Variants in ZNF418 observed in about 807,000 individuals in gnomAD.
ZNF418 encodes zinc finger protein 418.
A neutral mutation model predicts 32.0 loss-of-function variants in ZNF418; 32 were observed. The observed-to-expected ratio is 1.00, with a 90% confidence interval of 0.75 to 1.34. ZNF418 has a LOEUF of 1.34. ZNF418 is among the 40% of genes most tolerant of loss of function. The probability of loss-of-function intolerance (pLI) is 0.00; values close to 1 mark genes in which losing one functional copy is unlikely to be tolerated. For synonymous variants in ZNF418, 276 were observed against 270.7 expected, an observed-to-expected ratio of 1.02 and a Z score of -0.19; for missense variants, 804 against 812.5, an observed-to-expected ratio of 0.99 and a Z score of 0.13.
In ZNF418 at chr19:57,927,870, T is replaced by C; in HGVS notation, c.311A>G (p.His104Arg). 1.2e-6 allele frequency: 2 copies of C among 1,614,144 alleles called. No homozygotes were observed. Among genetic ancestry groups the C allele is most frequent in the South Asian group, 1.1e-5 (1 of 91,088 alleles). The change falls in exon 4 of 6, where the codon CAT becomes CGT. Residue 104 changes from histidine to arginine, a missense_variant. By Grantham distance (29) the His-to-Arg change is conservative. Coordinates refer to ENST00000396147, the MANE Select transcript of ZNF418 (RefSeq NM_133460.3). Reference protein sequence around the residue: ...ILHLADHQGTHHKQKLHRCEA... With the variant: ...ILHLADHQGTRHKQKLHRCEA... ...ACACCTGTGCAGTTTCTGCTTGTGA[T>C]GTGTCCCCTGATGATCTGCCAAGTG...
chr19:57,933,402 C>T (rs1358622372), intron 2 of ZNF418, among the ~76,000 whole-genome samples: 1 of 151,358 alleles, frequency 6.6e-6, no homozygotes, highest in Non-Finnish European at 1.5e-5. Context: ...CACGGTGAAA[C>T]CCCATCTCTA....
rs2072224819 is a variant in ZNF418 at position 57,926,397 on chromosome 19, TCC to T, written c.1782_1783del (p.Glu595MetfsTer13). 5 of 1,613,204 alleles carry T rather than the reference TCC, an allele frequency of 3.1e-6. No individual in the cohort carries two copies. The highest frequency in any genetic ancestry group is 3.4e-6 in the Non-Finnish European group (4 of 1,179,296). ...CCTTCGAGTAAATGTTTTTCCACAT[TCC>T]CTGCATTCATAAGGCCTTTCTCCAG... On this transcript the variant is annotated frameshift_variant, in exon 4 of 6. Transcript: ENST00000396147. LOFTEE classifies it low-confidence loss of function (END_TRUNC).
chr19:57,930,296 A>C, intron 3 of ZNF418, 132 bp downstream of exon 3: 2 of 1,415,798 alleles, frequency 1.4e-6, no homozygotes, highest in Non-Finnish European at 2.0e-6. Flanking sequence ...CCAACCACAA[A>C]ACCTACCCAG....
At chr19:57,933,956 C>T in intron 1 of ZNF418, 54 bp from the exon 2 acceptor site, 1 of 1,597,456 alleles carries the variant, frequency 6.3e-7, no homozygotes, top group East Asian at 2.2e-5. Flanking sequence ...CTCTTGCCTC[C>T]CCACCGAATT....
chr19:57,927,984 A>G lies in ZNF418; in HGVS notation c.197T>C (p.Val66Ala), dbSNP rs748898202. The G allele has an allele frequency of 6.2e-7, 1 of 1,601,010 alleles. No homozygotes were observed. Among genetic ancestry groups the G allele is most frequent in the Non-Finnish European group, 8.5e-7 (1 of 1,171,982 alleles). ...TGCCCCAGGAGTGCTGACCTGAGAC[A>G]CTCTTTGTATAGAAATGCTCTTCTT... ...PSKKSISIQR[V>A]SQVSTPGAGV... The change falls in exon 4 of 6, where the codon GTG becomes GCG. Residue 66 changes from valine to alanine, a missense_variant. Transcript: ENST00000396147.
chr19:57,924,919 C>T (rs2072151079), intron 4 of ZNF418, among the ~76,000 whole-genome samples: 1 of 152,124 alleles, frequency 6.6e-6, no homozygotes. Context: ...GAAAACTATG[C>T]CACAAGTGAA....
At chr19:57,931,696 C>G (rs1186651734) in intron 2 of ZNF418, among the ~76,000 whole-genome samples, 2 of 152,204 alleles carry the variant, frequency 1.3e-5, no homozygotes, top group African/African-American at 4.8e-5. Flanking sequence ...CCCTTAGCCC[C>G]AGGCCTCAGC....
chr19:57,934,868 G>T, intron 1 of ZNF418: 1 of 446,560 alleles, frequency 2.2e-6, no homozygotes, highest in Non-Finnish European at 3.7e-6. Context: ...ACAGCCCCCA[G>T]CCTGCTCTTC....
intron 2 of ZNF418, chr19:57,932,506 C>T: frequency 6.5e-7 from 1 of 1,535,356 alleles, no homozygotes; most frequent in Non-Finnish European, 8.7e-7. Flanking sequence ...GGCTCCACAT[C>T]CCCACAGAAC....
At chr19:57,935,028 G>A in intron 1 of ZNF418, 133 bp downstream of exon 1, 1 of 1,405,102 alleles carries the variant, frequency 7.1e-7, no homozygotes, top group South Asian at 1.3e-5. Flanking sequence ...CAGAAACAAG[G>A]ACCTCTCCCG....
intron 3 of ZNF418, among the ~76,000 whole-genome samples, chr19:57,930,186 C>A (rs1207639790): frequency 6.6e-6 from 1 of 152,162 alleles, no homozygotes; most frequent in Admixed American, 6.5e-5. Flanking sequence ...ATTAGATTGA[C>A]TACGAGACAC....
chr19:57,935,196 C>T lies in ZNF418; in HGVS notation c.-116G>A, dbSNP rs1197008032. ...AGCCTCAGCGCGGCCGCCGCCATCCCGAGTACGCGGGGAAAGCACTGCCGG... is the reference window on the plus strand; with the variant it reads ...AGCCTCAGCGCGGCCGCCGCCATCCTGAGTACGCGGGGAAAGCACTGCCGG... On this transcript the variant is annotated 5_prime_UTR_variant, in exon 1 of 6. Transcript: ENST00000396147. 9 of 1,298,794 alleles carry T rather than the reference C, an allele frequency of 6.9e-6. No homozygotes were observed. The South Asian group carries it at 1.1e-4, about 16-fold the overall frequency. 80.5% of individuals were successfully genotyped at this position (1,298,794 alleles called of 1,614,324 possible).
intron 4 of ZNF418, among the ~76,000 whole-genome samples, chr19:57,924,506 G>A (rs570872599): frequency 7.3e-4 from 111 of 152,330 alleles, no homozygotes; most frequent in African/African-American, 2.6e-3. Context: ...TTCTGTACCT[G>A]ACAGTCCACC....
In ZNF418 at chr19:57,925,917, G is replaced by A. The variant is rs1244939925; in HGVS notation, c.*233C>T. 6 of 542,946 alleles carry A rather than the reference G, an allele frequency of 1.1e-5. No homozygotes were observed. Among genetic ancestry groups the A allele is most frequent in the Non-Finnish European group, 2.0e-5 (6 of 307,056 alleles). The allele number at this position is 542,946 out of a possible 1,614,324, so 33.6% of individuals were successfully genotyped here. On this transcript the variant is annotated 3_prime_UTR_variant, in exon 4 of 6. Coordinates refer to ENST00000396147, the MANE Select transcript of ZNF418 (RefSeq NM_133460.3). ...ATAATATTTCCTGTACGTGTACAGTGTTTTCCTTATGAGAACAATCTGTTA... is the reference window on the plus strand; with the variant it reads ...ATAATATTTCCTGTACGTGTACAGTATTTTCCTTATGAGAACAATCTGTTA...
At position 57,927,060 on chromosome 19, in the gene ZNF418, T is replaced by G. The variant is rs2072266476; in HGVS notation, c.1121A>C (p.Glu374Ala). 2 of 1,614,094 alleles carry G rather than the reference T, an allele frequency of 1.2e-6. No individual in the cohort carries two copies. Among genetic ancestry groups the G allele is most frequent in the Non-Finnish European group, 1.7e-6 (2 of 1,179,998 alleles). The change falls in exon 4 of 6, where the codon GAA (glutamate) becomes GCA (alanine). Residue 374 changes from glutamate to alanine, a missense_variant. By Grantham distance (107) the Glu-to-Ala change is moderately radical (BLOSUM62 -1). This residue lies in a region of ZNF418 where 475 missense variants were observed against 458.6 expected (regional missense o/e 1.04). Coordinates refer to ENST00000396147, the MANE Select transcript of ZNF418 (RefSeq NM_133460.3). Reference sequence around the variant, plus strand: ...CTTTTGACTAAAACATTTTCCACATTCTTCACACTCATAAGGTCTTTCACT... The same window carrying G: ...CTTTTGACTAAAACATTTTCCACATGCTTCACACTCATAAGGTCTTTCACT... ...HTSERPYECE[E>A]CGKCFSQKGT... is the part of the protein sequence containing the mutation.
Position 57,926,875 on chromosome 19 carries a change from T to TAA in ZNF418, c.1304_1305dup (p.Ser436LeufsTer252). 6.2e-7 allele frequency: 1 copy of TAA among 1,614,032 alleles called. No homozygotes were observed. Among genetic ancestry groups the TAA allele is most frequent in the Non-Finnish European group, 8.5e-7 (1 of 1,179,994 alleles). On this transcript the variant is annotated frameshift_variant, in exon 4 of 6. Transcript: ENST00000396147. LOFTEE classifies it low-confidence loss of function (END_TRUNC). ...TGCTGAATGAGGTTGCCCTTTCGAC[T>TAA]AAAAGATTTCCCACATTCTCCACAC...
chr19:57,934,187 T>A (rs1358553119), intron 1 of ZNF418: 1 of 1,166,718 alleles, frequency 8.6e-7, no homozygotes, highest in Non-Finnish European at 1.1e-6. Flanking sequence ...GAATGGGGAA[T>A]AAGGCCAGTG....
rs1299380588 is a variant in ZNF418, at chr19:57,921,961, C to T, written c.*1294G>A. On this transcript the variant is annotated 3_prime_UTR_variant, in exon 6 of 6. Transcript: ENST00000396147. ...GCAGGCTGGACAAAAAAACCACTAT[C>T]ATTTGAAAGAAGCATGCAGTTTATA... 6.6e-6 allele frequency: 1 copy of T among 152,270 alleles called. No individual in the cohort carries two copies. Among genetic ancestry groups the T allele is most frequent in the Non-Finnish European group, 1.5e-5 (1 of 68,098 alleles). 9.4% of individuals were successfully genotyped at this position (152,270 alleles called of 1,614,324 possible).
At chr19:57,930,033 T>G (rs2122943369) in intron 3 of ZNF418, among the ~76,000 whole-genome samples, 1 of 152,238 alleles carries the variant, frequency 6.6e-6, no homozygotes, top group South Asian at 2.1e-4. Flanking sequence ...ATGTAGGCAG[T>G]GACAACGGGA....
Sources: allele counts gnomAD v4.1 joint callset (sites outside exome capture counted in the v4.1 genomes callset), GRCh38; gene constraint gnomAD v4.1.1; regional missense constraint gnomAD v4.1.1; transcripts MANE v1.5; gene names NCBI Gene and HGNC (gene_info 2026-07-23, HGNC 2026-07-21).